Variants in PDE8B observed in about 807,000 individuals in gnomAD.
The protein encoded by PDE8B is phosphodiesterase 8B.
A neutral mutation model predicts 101.3 loss-of-function variants in PDE8B; 26 were observed. The ratio of observed to expected loss-of-function variants is 0.26; its 90% confidence interval spans 0.19 to 0.36. The LOEUF is 0.36. Ranked by LOEUF, PDE8B falls within the 10% of genes least tolerant of loss-of-function variation. The probability of loss-of-function intolerance (pLI) is 1.00; values close to 1 mark genes in which losing one functional copy is unlikely to be tolerated. For synonymous variants in PDE8B, 424 were observed against 429.3 expected (o/e 0.99, Z 0.15); for missense variants, 810 against 1,163.1 (o/e 0.70, Z 4.42).
chr5:77,205,767 C>T (rs753820364), upstream of PDE8B, among the ~76,000 whole-genome samples: 50 of 152,160 alleles, frequency 3.3e-4, no homozygotes, highest in Non-Finnish European at 5.1e-4. Flanking sequence ...TATGTTCATA[C>T]ATTGTCTATA....
chr5:77,286,297 C>A (rs1311888279), intron 1 of PDE8B, among the ~76,000 whole-genome samples: 2 of 152,146 alleles, frequency 1.3e-5, no homozygotes, highest in Admixed American at 6.5e-5. Context: ...ATGAACAGTT[C>A]CAGGATCAGC....
chr5:77,199,221 A>C, the PDE8B span, among the ~76,000 whole-genome samples: 1 of 152,220 alleles, frequency 6.6e-6, no homozygotes, highest in Non-Finnish European at 1.5e-5. Context: ...GAGGCTATTA[A>C]AAATGTAATC....
chr5:77,323,241 C>G (rs1775417690), intron 2 of PDE8B, among the ~76,000 whole-genome samples: 1 of 152,114 alleles, frequency 6.6e-6, no homozygotes, highest in East Asian at 1.9e-4. Flanking sequence ...AGGTTGTGTC[C>G]TTCATTTTTC....
At position 77,421,703 on chromosome 5, in the gene PDE8B, C is replaced by T. The variant is rs1213097565; in HGVS notation, c.2251-118C>T. ...AATTTAAAAAAGGAAAAGCTGCCTT[C>T]GCCGAGTCCCAGTCCTACCTGTGTG... is the stretch of plus-strand genomic sequence containing the variant. On this transcript the variant is annotated intron_variant, in intron 19 of 21. Coordinates refer to ENST00000264917, the MANE Select transcript of PDE8B (RefSeq NM_003719.5). 5.7e-5 allele frequency: 51 copies of T among 890,296 alleles called. No homozygotes were observed. In the East Asian group the frequency reaches 6.7e-4, roughly 12 times the overall value. The allele number at this position is 890,296 out of a possible 1,614,324, so 55.1% of individuals were successfully genotyped here.
At chr5:77,132,566 T>G in the PDE8B span, among the ~76,000 whole-genome samples, 6 of 152,252 alleles carry the variant, frequency 3.9e-5, no homozygotes, top group Non-Finnish European at 7.3e-5. Flanking sequence ...CTGTCTACAA[T>G]AGCATTTTAT....
At chr5:77,260,532 A>G (rs1229440791) in intron 1 of PDE8B, among the ~76,000 whole-genome samples, 1 of 152,110 alleles carries the variant, frequency 6.6e-6, no homozygotes, top group East Asian at 1.9e-4. Flanking sequence ...TTCACAATTA[A>G]AAAGTGAGTA....
intron 5 of PDE8B, among the ~76,000 whole-genome samples, chr5:77,335,564 T>TGTGA (rs777358989): frequency 0.062 from 6,218 of 99,778 alleles, 167 homozygotes; most frequent in South Asian, 0.069. Flanking sequence ...TGTGTGTGTG[T>TGTGA]GAGAGAGAGA....
At chr5:77,113,174 A>G in the PDE8B span, 1 of 152,224 alleles carries the variant, frequency 6.6e-6, no homozygotes, top group African/African-American at 2.4e-5. Context: ...AAACTACTTT[A>G]AAGTTCATAT....
At chr5:77,090,355 T>C in the PDE8B span, among the ~76,000 whole-genome samples, 1 of 152,162 alleles carries the variant, frequency 6.6e-6, no homozygotes, top group Non-Finnish European at 1.5e-5. Context: ...GGAGCTAGTG[T>C]TTTTATTCAT....
At chr5:77,317,680 G>T (rs1232553900) in intron 2 of PDE8B, among the ~76,000 whole-genome samples, 2 of 152,118 alleles carry the variant, frequency 1.3e-5, no homozygotes, top group African/African-American at 4.8e-5. Flanking sequence ...AAATCAAGTG[G>T]CCTTTTCTTC....
chr5:77,335,532 G>GGTGT lies in PDE8B; in HGVS notation c.709-1665_709-1662dup, dbSNP rs35776739. ...GCCAACCACTCCAGTGTATATGTGG[G>GGTGT]GTGTGTGTGTGTGTGTGTGTGTGTG... On this transcript the variant is annotated intron_variant, in intron 5 of 21. Transcript: ENST00000264917. 2.4e-3 allele frequency among the ~76,000 whole-genome samples: 355 copies of GGTGT among 145,628 alleles called. 3 individuals are homozygous for GGTGT. The highest frequency in any genetic ancestry group is 0.014 in the Middle Eastern group (4 of 278).
At chr5:77,420,713 C>G (rs1302152011) in intron 19 of PDE8B, among the ~76,000 whole-genome samples, 1 of 152,148 alleles carries the variant, frequency 6.6e-6, no homozygotes, top group Non-Finnish European at 1.5e-5. Flanking sequence ...AGAGCCCTCT[C>G]CTTCCACAGA....
chr5:77,137,311 A>AC, the PDE8B span, among the ~76,000 whole-genome samples: 1 of 152,240 alleles, frequency 6.6e-6, no homozygotes, highest in African/African-American at 2.4e-5. Flanking sequence ...GGGAGGACCC[A>AC]CAGGGGTGAA....
chr5:77,309,941 A>ACCTT (rs772985826), intron 1 of PDE8B, among the ~76,000 whole-genome samples: 34,874 of 80,888 alleles, frequency 0.43, 10,180 homozygotes, highest in East Asian at 0.73. Context: ...TTAATCATTA[A>ACCTT]TCTTTTTTTT....
Position 77,421,863 on chromosome 5 carries a change from T to A in PDE8B, c.2293T>A (p.Phe765Ile). ...DCECNPAGKNFPENQILIKRM... is the reference protein window; with the variant it reads ...DCECNPAGKNIPENQILIKRM... The stretch of plus-strand genomic sequence containing the variant: ...TGAATGCAACCCTGCTGGGAAGAAC[T>A]TCCCTGAAAACCAAATCCTGATCAA... The change falls in exon 20 of 22, where the codon TTC becomes ATC. Residue 765 changes from phenylalanine (F) to isoleucine (I), a missense_variant. Phe to Ile is a conservative substitution (Grantham distance 21, BLOSUM62 0). Coordinates refer to ENST00000264917, the MANE Select transcript of PDE8B (RefSeq NM_003719.5). The A allele has an allele frequency of 6.2e-7, 1 of 1,614,110 alleles. No individual in the cohort carries two copies. Among genetic ancestry groups the A allele is most frequent in the Non-Finnish European group, 8.5e-7 (1 of 1,180,000 alleles).
the PDE8B span, among the ~76,000 whole-genome samples, chr5:77,100,951 A>G: frequency 6.6e-6 from 1 of 150,420 alleles, no homozygotes; most frequent in African/African-American, 2.4e-5. Context: ...CCAATCATCT[A>G]AAAATTTTTT....
chr5:77,268,311 C>T (rs184544624), intron 1 of PDE8B, among the ~76,000 whole-genome samples: 85 of 152,190 alleles, frequency 5.6e-4, no homozygotes, highest in African/African-American at 2.0e-3. Context: ...ATAATAATCA[C>T]ATCGGGGTAA....
chr5:77,367,697 AT>A (rs1410759958), intron 10 of PDE8B, among the ~76,000 whole-genome samples: 5 of 151,926 alleles, frequency 3.3e-5, no homozygotes, highest in Admixed American at 6.6e-5. Context: ...TGCCCTGCTA[AT>A]TTTTGTATTT....
the PDE8B span, among the ~76,000 whole-genome samples, chr5:77,130,540 C>T: frequency 6.6e-6 from 1 of 152,128 alleles, no homozygotes; most frequent in African/African-American, 2.4e-5. Flanking sequence ...TCATGACAAC[C>T]TTATGAAATA....
Sources: gnomAD v4.1 joint callset for allele counts (sites outside exome capture counted in the v4.1 genomes callset) on GRCh38, gnomAD v4.1.1 for gene constraint, MANE v1.5 for transcripts, NCBI Gene and HGNC (gene_info 2026-07-23, HGNC 2026-07-21) for gene names.